Variants in RAB11FIP5 observed in about 807,000 individuals in gnomAD.
RAB11FIP5 encodes RAB11 family interacting protein 5, also known as rab11 family-interacting protein 5.
A neutral mutation model predicts 85.1 loss-of-function variants in RAB11FIP5; 48 were observed. The ratio of observed to expected loss-of-function variants is 0.56; its 90% confidence interval spans 0.45 to 0.72. The LOEUF (loss-of-function observed/expected upper bound fraction) is 0.72, where lower values mean the gene tolerates loss of function less well. Ranked by LOEUF, RAB11FIP5 falls within the 30% of genes least tolerant of loss-of-function variation. The pLI, the probability that RAB11FIP5 is intolerant of heterozygous loss-of-function variation, is 0.00. For missense variants in RAB11FIP5, 1,491 were observed against 1,687.0 expected (o/e 0.88, Z 2.04); for synonymous variants, 729 against 727.3 (o/e 1.00, Z -0.04).
Position 73,089,054 on chromosome 2 carries a change from G to A in RAB11FIP5, c.693C>T (p.Ala231=). ...GCTTGTTGCGGAGGAAGAAGCCTTTGGCTTTGCCCATCTTGCCCAGGCTGC... is the reference window on the plus strand; with the variant it reads ...GCTTGTTGCGGAGGAAGAAGCCTTTAGCTTTGCCCATCTTGCCCAGGCTGC... ...DLGSLGKMGK[A]KGFFLRNKLR... Residue 231 remains alanine, a synonymous_variant, in exon 2 of 6, where the codon GCC becomes GCT. Coordinates refer to ENST00000486777, the MANE Select transcript of RAB11FIP5 (RefSeq NM_001371272.1). The surrounding 1 kb of genome is among the most constrained non-coding windows in gnomAD (Gnocchi z 4.6). The A allele has an allele frequency of 6.2e-7, 1 of 1,614,212 alleles. No homozygotes were observed. Among genetic ancestry groups the A allele is most frequent in the Non-Finnish European group, 8.5e-7 (1 of 1,180,032 alleles).
At position 73,080,086 on chromosome 2, in the gene RAB11FIP5, G is replaced by A. The variant is rs1683942655; in HGVS notation, c.3146C>T (p.Thr1049Ile). ...VGEGLGSLSA[T>I]SQQADVWVSK... is the part of the protein sequence containing the mutation. Reference sequence around the variant, plus strand: ...GACCCACACATCAGCCTGCTGGGAGGTGGCTGACAAGGACCCAAGCCCCTC... The same window carrying A: ...GACCCACACATCAGCCTGCTGGGAGATGGCTGACAAGGACCCAAGCCCCTC... The change falls in exon 4 of 6, where the codon ACC becomes ATC. Residue 1049 changes from threonine (T) to isoleucine (I), a missense_variant. By Grantham distance (89) the Thr-to-Ile change is moderately conservative. Around this residue, in one of 3 missense-constraint regions of RAB11FIP5, gnomAD observed 48 missense variants for 89.9 expected, o/e 0.53. Coordinates refer to ENST00000486777, the MANE Select transcript of RAB11FIP5 (RefSeq NM_001371272.1). 1.6e-6 allele frequency: 2 copies of A among 1,232,254 alleles called. No homozygotes were observed. Among genetic ancestry groups the A allele is most frequent in the Non-Finnish European group, 2.0e-6 (2 of 988,040 alleles). The allele number at this position is 1,232,254 out of a possible 1,614,324, so 76.3% of individuals were successfully genotyped here.
chr2:73,081,071 C>G lies in RAB11FIP5; in HGVS notation c.2161G>C (p.Glu721Gln). 1 of 1,233,016 alleles carries G rather than the reference C, an allele frequency of 8.1e-7. No individual in the cohort carries two copies. The highest frequency in any genetic ancestry group is 4.1e-5 in the South Asian group (1 of 24,350). 76.4% of individuals were successfully genotyped at this position (1,233,016 alleles called of 1,614,324 possible). ...GGRGGSSVWL[E>Q]PRVPLDLGPN... ...CCCAAGTCCAGAGGAACCCTGGGCTCCAGCCACACGCTGCTCCCACCTCTT... is the reference window on the plus strand; with the variant it reads ...CCCAAGTCCAGAGGAACCCTGGGCTGCAGCCACACGCTGCTCCCACCTCTT... Residue 721 changes from glutamate to glutamine, a missense_variant, in exon 4 of 6, where the codon GAG (glutamate) becomes CAG (glutamine). By Grantham distance (29) the Glu-to-Gln change is conservative. Around this residue, in one of 3 missense-constraint regions of RAB11FIP5, gnomAD observed 1,211 missense variants for 1,338.0 expected, o/e 0.91. Transcript: ENST00000486777. The surrounding 1 kb of genome is among the most constrained non-coding windows in gnomAD (Gnocchi z 4.2).
chr2:73,100,758 C>T (rs2106120288), intron 1 of RAB11FIP5, among the ~76,000 whole-genome samples: 2 of 152,084 alleles, frequency 1.3e-5, no homozygotes, highest in Middle Eastern at 6.8e-3. Flanking sequence ...AGAATTGTCA[C>T]TCCTGCCATT....
intron 1 of RAB11FIP5, among the ~76,000 whole-genome samples, chr2:73,105,833 T>C (rs967580338): frequency 6.6e-6 from 1 of 151,942 alleles, no homozygotes; most frequent in Middle Eastern, 3.4e-3. Flanking sequence ...AGGTGGGCAG[T>C]GTGGTGTGGT....
chr2:73,080,410 G>T lies in RAB11FIP5; in HGVS notation c.2822C>A (p.Ala941Glu). The change falls in exon 4 of 6, where the codon GCA becomes GAA. Residue 941 changes from alanine to glutamate, a missense_variant. By Grantham distance (107) the Ala-to-Glu change is moderately radical (BLOSUM62 -1). Transcript: ENST00000486777. ...GGTCTCCGGGGGACCGACAACCAGTGCACTTGGGGAGGCATCTTCTCCCTC... is the reference window on the plus strand; with the variant it reads ...GGTCTCCGGGGGACCGACAACCAGTTCACTTGGGGAGGCATCTTCTCCCTC... Reference protein sequence around the residue: ...ETEGEDASPSALVVGPPETKE... With the variant: ...ETEGEDASPSELVVGPPETKE... 8.1e-7 allele frequency: 1 copy of T among 1,233,242 alleles called. No individual in the cohort carries two copies. The highest frequency in any genetic ancestry group is 1.0e-6 in the Non-Finnish European group (1 of 988,460). 76.4% of individuals were successfully genotyped at this position (1,233,242 alleles called of 1,614,324 possible).
intron 1 of RAB11FIP5, among the ~76,000 whole-genome samples, chr2:73,104,694 C>T (rs1193791994): frequency 3.9e-5 from 6 of 152,304 alleles, no homozygotes; most frequent in East Asian, 1.9e-4. Flanking sequence ...AGTCCCACCA[C>T]ACTCACAGTT....
intron 1 of RAB11FIP5, among the ~76,000 whole-genome samples, chr2:73,096,544 A>C (rs969479695): frequency 2.6e-5 from 4 of 151,684 alleles, no homozygotes; most frequent in Non-Finnish European, 4.4e-5. Context: ...TTTATTCCAG[A>C]CTCCAAACAA....
At chr2:73,109,898 C>T (rs1684606808) in intron 1 of RAB11FIP5, among the ~76,000 whole-genome samples, 1 of 152,250 alleles carries the variant, frequency 6.6e-6, no homozygotes, top group South Asian at 2.1e-4. Flanking sequence ...TGACCACCTA[C>T]CATGTACAGG....
At chr2:73,084,585 C>T (rs1684058946) in intron 3 of RAB11FIP5, among the ~76,000 whole-genome samples, 1 of 152,226 alleles carries the variant, frequency 6.6e-6, no homozygotes, top group Non-Finnish European at 1.5e-5. Flanking sequence ...CTGCAGGAAG[C>T]TCTGAACAAT....
At chr2:73,110,487 C>CCG (rs59269767) in intron 1 of RAB11FIP5, among the ~76,000 whole-genome samples, 1 of 152,002 alleles carries the variant, frequency 6.6e-6, no homozygotes, top group Non-Finnish European at 1.5e-5. Flanking sequence ...GTTCCCCCCC[C>CCG]GGTTCTATAA....
At chr2:73,091,180 C>T (rs182216453) in intron 1 of RAB11FIP5, among the ~76,000 whole-genome samples, 407 of 152,242 alleles carry the variant, frequency 2.7e-3, no homozygotes, top group African/African-American at 9.5e-3. Context: ...AAGTATGCAG[C>T]GCAATGAACT....
rs959380267 is a variant in RAB11FIP5 at position 73,081,215 on chromosome 2, C to T, written c.2017G>A (p.Gly673Arg). Residue 673 changes from glycine (G) to arginine (R), a missense_variant, in exon 4 of 6, where the codon GGA becomes AGA. Physicochemically the swap from Gly to Arg is moderately radical, Grantham distance 125. Around this residue, in one of 3 missense-constraint regions of RAB11FIP5, gnomAD observed 1,211 missense variants for 1,338.0 expected, o/e 0.91. Coordinates refer to ENST00000486777, the MANE Select transcript of RAB11FIP5 (RefSeq NM_001371272.1). This position sits in a 1 kb window ranked among gnomAD's most constrained non-coding sequence, Gnocchi z 4.2. ...EARSEILAPAGVGLEAAGLQD... is the reference protein window; with the variant it reads ...EARSEILAPARVGLEAAGLQD... Reference sequence around the variant, plus strand: ...AGCCCTGCCGCCTCCAGCCCCACTCCTGCAGGGGCCAGGATCTCGCTCCTG... The same window carrying T: ...AGCCCTGCCGCCTCCAGCCCCACTCTTGCAGGGGCCAGGATCTCGCTCCTG... 8.1e-6 allele frequency: 10 copies of T among 1,232,270 alleles called. No homozygotes were observed. The highest frequency in any genetic ancestry group is 3.1e-4 in the Middle Eastern group (1 of 3,238). 76.3% of individuals were successfully genotyped at this position (1,232,270 alleles called of 1,614,324 possible). A position where few individuals can be genotyped will look rare whatever the true frequency, so the allele number is the denominator to read the frequency against.
Position 73,074,781 on chromosome 2 carries a change from C to T in RAB11FIP5, c.*740G>A, listed in dbSNP as rs770580926. The T allele has an allele frequency of 3.5e-4, 66 of 188,786 alleles. No individual in the cohort carries two copies. Among genetic ancestry groups the T allele is most frequent in the Middle Eastern group, 4.7e-3 (2 of 422 alleles). 11.7% of individuals were successfully genotyped at this position (188,786 alleles called of 1,614,324 possible). A position where few individuals can be genotyped will look rare whatever the true frequency, so the allele number is the denominator to read the frequency against. ...TGGAGGTGGTCAAGAGCTCGAAAAG[C>T]AAAAAGGTGCTCTCTCCGCACCCGC... is the stretch of plus-strand genomic sequence containing the variant. On this transcript the variant is annotated 3_prime_UTR_variant, in exon 6 of 6. Coordinates refer to ENST00000486777, the MANE Select transcript of RAB11FIP5 (RefSeq NM_001371272.1).
At chr2:73,102,989 A>G (rs1298614619) in intron 1 of RAB11FIP5, among the ~76,000 whole-genome samples, 2 of 152,152 alleles carry the variant, frequency 1.3e-5, no homozygotes, top group Non-Finnish European at 2.9e-5. Context: ...CCTTTTCCCT[A>G]GAGCCTCCTC....
At chr2:73,106,639 G>T (rs925206055) in intron 1 of RAB11FIP5, among the ~76,000 whole-genome samples, 1 of 152,202 alleles carries the variant, frequency 6.6e-6, no homozygotes, top group African/African-American at 2.4e-5. Flanking sequence ...AGAAACTCCG[G>T]GGTGCACACA....
chr2:73,107,894 CAG>C (rs531716676), intron 1 of RAB11FIP5, among the ~76,000 whole-genome samples: 131 of 152,306 alleles, frequency 8.6e-4, no homozygotes, highest in South Asian at 3.3e-3. Context: ...CAGAAGCCAA[CAG>C]AGAGAAGGCT....
chr2:73,079,455 A>C (rs1282922154), intron 4 of RAB11FIP5, among the ~76,000 whole-genome samples, 196 bp downstream of exon 4: 3 of 152,264 alleles, frequency 2.0e-5, no homozygotes, highest in South Asian at 2.1e-4. Context: ...CCAAGTCCCA[A>C]GACAGCAGCT....
intron 1 of RAB11FIP5, among the ~76,000 whole-genome samples, chr2:73,103,497 T>C (rs892993158): frequency 6.6e-6 from 1 of 151,174 alleles, no homozygotes; most frequent in Non-Finnish European, 1.5e-5. Flanking sequence ...AGATGTAGGG[T>C]TGATAGCACA....
chr2:73,094,119 TCAAAA>T (rs1329235461), intron 1 of RAB11FIP5, among the ~76,000 whole-genome samples: 2 of 74,192 alleles, frequency 2.7e-5, no homozygotes, highest in African/African-American at 1.4e-4. Context: ...AGACTTTGTC[TCAAAA>T]AAAAAAAAAA....
Sources: allele counts gnomAD v4.1 joint callset (sites outside exome capture counted in the v4.1 genomes callset), GRCh38; gene constraint gnomAD v4.1.1; regional missense constraint gnomAD v4.1.1; non-coding constraint Gnocchi (gnomAD v3.1); transcripts MANE v1.5; gene names NCBI Gene and HGNC (gene_info 2026-07-23, HGNC 2026-07-21).